Variants in ATG10 observed in about 807,000 individuals in gnomAD.
ATG10 encodes autophagy related 10.
Under a neutral mutation model 32.1 loss-of-function variants are expected in ATG10, and 30 were observed. The ratio of observed to expected loss-of-function variants is 0.94; its 90% CI spans 0.70 to 1.27. ATG10 has a LOEUF of 1.27. Ranked by LOEUF, ATG10 falls within the 50% of genes most tolerant of loss-of-function variation. The pLI is 0.00. For missense variants in ATG10, 233 were observed against 262.3 expected, an observed-to-expected ratio of 0.89 and a Z score of 0.77; for synonymous variants, 87 against 91.5, an observed-to-expected ratio of 0.95 and a Z score of 0.28.
chr5:82,237,120 C>A (rs1324592500), intron 5 of ATG10, among the ~76,000 whole-genome samples: 1 of 152,064 alleles, frequency 6.6e-6, no homozygotes, highest in African/African-American at 2.4e-5. Context: ...TCATTTAACA[C>A]CAACATCAAC....
chr5:82,196,501 G>A (rs1020251638), intron 5 of ATG10, among the ~76,000 whole-genome samples: 1 of 152,084 alleles, frequency 6.6e-6, no homozygotes, highest in Non-Finnish European at 1.5e-5. Context: ...TCTTCTAAGA[G>A]TTTTATGGTT....
chr5:82,226,375 T>G (rs962976473), intron 5 of ATG10, among the ~76,000 whole-genome samples: 1 of 152,190 alleles, frequency 6.6e-6, no homozygotes, highest in Non-Finnish European at 1.5e-5. Context: ...ACTTCTTTTT[T>G]TTTTCTTTCT....
chr5:81,994,328 C>T (rs1390556603), intron 2 of ATG10, among the ~76,000 whole-genome samples: 3 of 152,084 alleles, frequency 2.0e-5, no homozygotes, highest in African/African-American at 7.2e-5. Context: ...ACGCTGTCTC[C>T]AGAGTCCTAA....
At chr5:82,157,879 CAAAT>C (rs990691544) in intron 3 of ATG10, among the ~76,000 whole-genome samples, 2 of 152,156 alleles carry the variant, frequency 1.3e-5, no homozygotes, top group Non-Finnish European at 2.9e-5. Flanking sequence ...AGAAAACAAA[CAAAT>C]CAACTATCTT....
At chr5:82,049,441 C>T (rs902347245) in intron 2 of ATG10, among the ~76,000 whole-genome samples, 2 of 151,216 alleles carry the variant, frequency 1.3e-5, no homozygotes, top group African/African-American at 4.9e-5. Flanking sequence ...GGGAGATATA[C>T]GTAATGCTAG....
rs1362785508 is a variant in ATG10 at position 81,992,951 on chromosome 5, A to T, written c.108+5273A>T. ...AATCAATATTTTTCAGTGAGGGTGGAATGCTCTTGACATCTAGGCAGGATA... is the reference window on the plus strand; with the variant it reads ...AATCAATATTTTTCAGTGAGGGTGGTATGCTCTTGACATCTAGGCAGGATA... On this transcript the variant is annotated intron_variant, in intron 2 of 7. Transcript: ENST00000282185. 3.3e-5 allele frequency among the ~76,000 whole-genome samples: 5 copies of T among 152,292 alleles called. No individual in the cohort carries two copies. The East Asian group carries it at 9.6e-4, about 29-fold the overall frequency.
intron 2 of ATG10, among the ~76,000 whole-genome samples, chr5:82,032,515 G>A (rs993254193): frequency 6.6e-6 from 1 of 151,720 alleles, no homozygotes; most frequent in Admixed American, 6.6e-5. Flanking sequence ...TTAAAAAAAG[G>A]TTAAAAATTT....
intron 3 of ATG10, among the ~76,000 whole-genome samples, chr5:82,113,471 C>G (rs561995398): frequency 6.6e-6 from 1 of 151,886 alleles, no homozygotes; most frequent in South Asian, 2.1e-4. Flanking sequence ...ATAAAATTAT[C>G]TGCCATAACT....
At chr5:82,215,808 GGCGC>G (rs1307906433) in intron 5 of ATG10, among the ~76,000 whole-genome samples, 1 of 151,872 alleles carries the variant, frequency 6.6e-6, no homozygotes, top group Non-Finnish European at 1.5e-5. Flanking sequence ...CATGGTGGCA[GGCGC>G]CTATAATCCC....
At chr5:81,979,396 C>T (rs1400869607) in intron 1 of ATG10, among the ~76,000 whole-genome samples, 2 of 152,014 alleles carry the variant, frequency 1.3e-5, no homozygotes, top group Non-Finnish European at 1.5e-5. Flanking sequence ...GGCGTGGTGG[C>T]GGGCCCCTGT....
chr5:82,118,591 G>A (rs1182652994), intron 3 of ATG10, among the ~76,000 whole-genome samples: 1 of 151,666 alleles, frequency 6.6e-6, no homozygotes, highest in African/African-American at 2.4e-5. Context: ...AGCAGGTCCA[G>A]TGAAAAGATA....
At chr5:82,083,855 A>G (rs1437497177) in intron 3 of ATG10, among the ~76,000 whole-genome samples, 1 of 152,190 alleles carries the variant, frequency 6.6e-6, no homozygotes, top group Non-Finnish European at 1.5e-5. Context: ...AAGGTAGATA[A>G]AACCACAAAG....
intron 3 of ATG10, among the ~76,000 whole-genome samples, chr5:82,143,155 G>T (rs1459394782): frequency 3.3e-5 from 5 of 152,194 alleles, no homozygotes; most frequent in Non-Finnish European, 7.3e-5. Context: ...CAGTGCTGTG[G>T]GAACAAGCGA....
At chr5:81,991,594 G>C (rs1415941843) in intron 2 of ATG10, among the ~76,000 whole-genome samples, 1 of 152,118 alleles carries the variant, frequency 6.6e-6, no homozygotes, top group Non-Finnish European at 1.5e-5. Context: ...AGGAGTTCGA[G>C]ATCAGCCTGG....
At chr5:82,030,709 T>C (rs1581616353) in intron 2 of ATG10, among the ~76,000 whole-genome samples, 1 of 152,336 alleles carries the variant, frequency 6.6e-6, no homozygotes, top group African/African-American at 2.4e-5. Flanking sequence ...CTTGCTCTCC[T>C]TACCTTTTCC....
At chr5:82,203,512 G>A (rs1291620850) in intron 5 of ATG10, among the ~76,000 whole-genome samples, 1 of 152,156 alleles carries the variant, frequency 6.6e-6, no homozygotes, top group Non-Finnish European at 1.5e-5. Context: ...ATCGGTGGGA[G>A]AGATAGGCTG....
At chr5:82,093,316 T>G (rs2149794875) in intron 3 of ATG10, among the ~76,000 whole-genome samples, 1 of 152,338 alleles carries the variant, frequency 6.6e-6, no homozygotes, top group South Asian at 2.1e-4. Flanking sequence ...CTCTAACATT[T>G]CATTTTGGAT....
At chr5:82,117,632 A>G (rs1419020167) in intron 3 of ATG10, among the ~76,000 whole-genome samples, 1 of 152,152 alleles carries the variant, frequency 6.6e-6, no homozygotes, top group African/African-American at 2.4e-5. Flanking sequence ...TTAAAGCAAG[A>G]GGAGTTTCAT....
At chr5:82,238,343 AC>A (rs1746649427) in intron 5 of ATG10, among the ~76,000 whole-genome samples, 1 of 60,328 alleles carries the variant, frequency 1.7e-5, no homozygotes, top group South Asian at 6.5e-4. Flanking sequence ...ACCACGCCCC[AC>A]CCACCCGACC....
Sources: allele counts gnomAD v4.1 joint callset (sites outside exome capture counted in the v4.1 genomes callset), GRCh38; gene constraint gnomAD v4.1.1; transcripts MANE v1.5; gene names NCBI Gene and HGNC (gene_info 2026-07-23, HGNC 2026-07-21).